The following SPMIP8 variants were observed in gnomAD, a reference collection of about 807,000 sequenced individuals.
SPMIP8 encodes the protein sperm microtubule inner protein 8.
At chr16:57,981,981 G>A in the SPMIP8 span, among the ~76,000 whole-genome samples, 2 of 152,090 alleles carry the variant, frequency 1.3e-5, no homozygotes, top group African/African-American at 2.4e-5. Flanking sequence ...AATACATTGC[G>A]GAGACCTCAG....
chr16:57,987,466 G>C, the SPMIP8 span: 1 of 1,570,454 alleles, frequency 6.4e-7, no homozygotes, highest in Admixed American at 1.9e-5. Flanking sequence ...GCCGGACGGT[G>C]CCACCTCAGG....
At chr16:57,985,548 TAA>T in the SPMIP8 span, 13 of 1,592,770 alleles carry the variant, frequency 8.2e-6, no homozygotes, top group South Asian at 1.4e-4. Context: ...CGACTCCCTG[TAA>T]GTGACGCCAC....
At chr16:57,977,920 C>A in the SPMIP8 span, 1 of 1,614,114 alleles carries the variant, frequency 6.2e-7, no homozygotes, top group Non-Finnish European at 8.5e-7. Context: ...AACCAGCTGG[C>A]GGGCGTGAAG....
chr16:57,977,770 C>T, the SPMIP8 span: 1 of 1,578,856 alleles, frequency 6.3e-7, no homozygotes, highest in Non-Finnish European at 8.7e-7. Context: ...GGTGTCTGGC[C>T]AGCATGAGCC....
At chr16:57,984,941 T>C in the SPMIP8 span, 1 of 1,293,864 alleles carries the variant, frequency 7.7e-7, no homozygotes. Context: ...GAGATGAAGC[T>C]GTGGCACTTG....
At chr16:57,987,799 C>T in the SPMIP8 span, 126 of 219,354 alleles carry the variant, frequency 5.7e-4, no homozygotes, top group Admixed American at 1.3e-3. Context: ...CCTGCAGCCC[C>T]ACACCCAAGC....
chr16:57,977,685 G>C, the SPMIP8 span: 1 of 1,020,094 alleles, frequency 9.8e-7, no homozygotes, highest in Non-Finnish European at 1.5e-6. Flanking sequence ...AAATGGCCTG[G>C]CACACAGTAG....
At chr16:57,977,420 A>AAAAG in the SPMIP8 span, among the ~76,000 whole-genome samples, 38 of 151,086 alleles carry the variant, frequency 2.5e-4, no homozygotes, top group East Asian at 1.2e-3. Flanking sequence ...AAAAAAAAAA[A>AAAAG]AAAAGAAAAG....
At chr16:57,986,070 C>T in the SPMIP8 span, 3 of 1,207,366 alleles carry the variant, frequency 2.5e-6, no homozygotes, top group Non-Finnish European at 3.4e-6. Flanking sequence ...GAGGGGCCCT[C>T]CTGGGAGGGC....
the SPMIP8 span, chr16:57,985,770 G>A: frequency 4.1e-6 from 5 of 1,221,600 alleles, no homozygotes; most frequent in Non-Finnish European, 4.4e-6. Context: ...CGGAGTGGAG[G>A]CGTTCGCATT....
the SPMIP8 span, chr16:57,985,068 C>CG: frequency 9.2e-7 from 1 of 1,090,528 alleles, no homozygotes; most frequent in East Asian, 3.0e-5. Flanking sequence ...GCAGCGGAGG[C>CG]GGGACCTGTT....
chr16:57,988,056 C>G, the SPMIP8 span: 1 of 152,416 alleles, frequency 6.6e-6, no homozygotes, highest in African/African-American at 2.4e-5. Context: ...TGAAGCCACT[C>G]AGAGAAGAAA....
chr16:57,978,047 C>T, the SPMIP8 span: 2 of 1,611,524 alleles, frequency 1.2e-6, no homozygotes, highest in Non-Finnish European at 1.7e-6. Flanking sequence ...AAGGTTAGGA[C>T]ACCAGTGTAG....
the SPMIP8 span, among the ~76,000 whole-genome samples, chr16:57,979,969 C>A: frequency 6.6e-6 from 1 of 152,132 alleles, no homozygotes; most frequent in Admixed American, 6.5e-5. Context: ...CAGGCTGAGG[C>A]AGGAGAATCA....
chr16:57,984,932 A>C, the SPMIP8 span: 42 of 1,343,160 alleles, frequency 3.1e-5, no homozygotes, highest in African/African-American at 5.9e-4. Flanking sequence ...GGGGCCGCTG[A>C]GATGAAGCTG....
At chr16:57,981,392 A>T in the SPMIP8 span, among the ~76,000 whole-genome samples, 1,001 of 83,492 alleles carry the variant, frequency 0.012, 14 homozygotes, top group South Asian at 0.024. Flanking sequence ...TAATAATAAT[A>T]ATTATTATTA....
the SPMIP8 span, among the ~76,000 whole-genome samples, chr16:57,984,029 G>A: frequency 1.2e-3 from 186 of 152,028 alleles, 1 homozygote; most frequent in South Asian, 0.019. Context: ...TTAGCCTCCC[G>A]AGTACCCGGG....
At chr16:57,986,174 GT>G in the SPMIP8 span, 1 of 458,864 alleles carries the variant, frequency 2.2e-6, no homozygotes, top group Non-Finnish European at 3.8e-6. Context: ...ATCCCACCAG[GT>G]TTGACTGGAG....
At chr16:57,978,778 G>A in the SPMIP8 span, among the ~76,000 whole-genome samples, 4 of 151,922 alleles carry the variant, frequency 2.6e-5, no homozygotes, top group African/African-American at 9.7e-5. Flanking sequence ...ACCCTGCCCT[G>A]CTGATTTTAA....
Sources: gnomAD v4.1 joint callset for allele counts (sites outside exome capture counted in the v4.1 genomes callset) on GRCh38, gnomAD v4.1.1 for gene constraint, MANE v1.5 for transcripts, NCBI Gene and HGNC (gene_info 2026-07-23, HGNC 2026-07-21) for gene names.